The following FAM13A variants were observed in gnomAD, a reference collection of about 807,000 sequenced individuals.
FAM13A encodes the protein family with sequence similarity 13 member A.
Under a neutral mutation model 129.6 loss-of-function variants are expected in FAM13A, and 76 were observed. The ratio of observed to expected loss-of-function variants is 0.59; its 90% CI spans 0.49 to 0.71. The LOEUF (loss-of-function observed/expected upper bound fraction) is 0.71, where lower values mean the gene tolerates loss of function less well. Among genes scored for constraint, FAM13A ranks in the 30% least tolerant of loss-of-function variants. The pLI is 0.00. For missense variants in FAM13A, 1,108 were observed against 1,249.3 expected, an observed-to-expected ratio of 0.89 and a Z score of 1.70; for synonymous variants, 443 against 449.9, an observed-to-expected ratio of 0.98 and a Z score of 0.20.
At chr4:88,982,339 G>GGCA (rs1761750033) in intron 4 of FAM13A, among the ~76,000 whole-genome samples, 2 of 152,164 alleles carry the variant, frequency 1.3e-5, no homozygotes, top group Non-Finnish European at 2.9e-5. Flanking sequence ...TAGTACGATG[G>GGCA]GCAGAGCCCA....
intron 6 of FAM13A, among the ~76,000 whole-genome samples, chr4:88,898,023 C>T (rs1029794543): frequency 6.6e-6 from 1 of 152,062 alleles, no homozygotes; most frequent in South Asian, 2.1e-4. Context: ...TGGTCATAAA[C>T]CATCCAGCCA....
At chr4:88,774,511 CAT>C in intron 11 of FAM13A, among the ~76,000 whole-genome samples, 1 of 152,174 alleles carries the variant, frequency 6.6e-6, no homozygotes, top group East Asian at 1.9e-4. Flanking sequence ...AAATCATGGT[CAT>C]GTGGTTTTTT....
At chr4:88,902,211 T>C (rs1178904986) in intron 6 of FAM13A, among the ~76,000 whole-genome samples, 4 of 152,156 alleles carry the variant, frequency 2.6e-5, no homozygotes, top group Non-Finnish European at 5.9e-5. Flanking sequence ...CTATTGAAAC[T>C]ATTCCAAAAA....
chr4:88,788,943 A>G (rs191840199), intron 9 of FAM13A, among the ~76,000 whole-genome samples: 1 of 152,324 alleles, frequency 6.6e-6, no homozygotes, highest in East Asian at 1.9e-4. Flanking sequence ...ATGAGGAAGT[A>G]TAGTCAAATT....
rs150714905 is a variant in FAM13A, at chr4:89,025,802, G to A, written c.217+3658C>T. On this transcript the variant is annotated intron_variant, in intron 2 of 23. Coordinates refer to ENST00000264344, the MANE Select transcript of FAM13A (RefSeq NM_014883.4). ...AAAAGGGAAAAAAGAACACACAGAC[G>A]CATACTTATATATACACGAAACATC... Among the ~76,000 whole-genome samples the A allele has an allele frequency of 2.0e-3, 310 of 152,160 alleles. 1 individual carries two copies. Among genetic ancestry groups the A allele is most frequent in the African/African-American group, 6.9e-3 (285 of 41,516 alleles).
intron 7 of FAM13A, among the ~76,000 whole-genome samples, chr4:88,815,847 C>T (rs1283005791): frequency 6.6e-6 from 1 of 152,038 alleles, no homozygotes; most frequent in African/African-American, 2.4e-5. Context: ...TAACATTGCT[C>T]TTAACATTTT....
At chr4:88,955,221 ATATT>A (rs914526184) in intron 4 of FAM13A, among the ~76,000 whole-genome samples, 4 of 152,146 alleles carry the variant, frequency 2.6e-5, no homozygotes, top group Admixed American at 6.5e-5. Flanking sequence ...AAATATCATT[ATATT>A]TATTTATTAT....
rs545157929 is a variant in FAM13A, at chr4:88,822,318, C to T, written c.1008-17266G>A. 1.7e-3 allele frequency among the ~76,000 whole-genome samples: 252 copies of T among 152,086 alleles called. 2 individuals carry two copies. The highest frequency in any genetic ancestry group is 2.8e-3 in the Admixed American group (43 of 15,284). On this transcript the variant is annotated intron_variant, in intron 7 of 23. Transcript: ENST00000264344. ...TCATAAGACCCTTTGTTTAAATTTA[C>T]CTTTCTCTGCTTTGGTATAACTCCT...
chr4:88,900,861 TAG>T (rs1430392629), intron 6 of FAM13A, among the ~76,000 whole-genome samples: 4 of 151,830 alleles, frequency 2.6e-5, no homozygotes, highest in Admixed American at 6.6e-5. Flanking sequence ...GCAAGCTGGA[TAG>T]AGTCAAGACC....
chr4:88,892,603 T>C (rs557382048), intron 6 of FAM13A, among the ~76,000 whole-genome samples: 7 of 152,348 alleles, frequency 4.6e-5, no homozygotes, highest in Non-Finnish European at 8.8e-5. Context: ...GGGTCCACTA[T>C]GTGTCTGGCA....
chr4:88,979,842 G>C, intron 4 of FAM13A, among the ~76,000 whole-genome samples: 1 of 152,092 alleles, frequency 6.6e-6, no homozygotes, highest in South Asian at 2.1e-4. Context: ...GTGGTGGCAT[G>C]TGTCTGTAAT....
chr4:88,750,576 G>A lies in FAM13A; in HGVS notation c.1788C>T (p.Leu596=), dbSNP rs1410409492. Residue 596 remains leucine, a synonymous_variant, in exon 15 of 24, where the codon CTC becomes CTT. Coordinates refer to ENST00000264344, the MANE Select transcript of FAM13A (RefSeq NM_014883.4). ...GGATCAGGCGCCCAGCCTGCGGCGA[G>A]AGGTGGGCTTCATCAGAGTCACTGT... is the stretch of plus-strand genomic sequence containing the variant. ...RENSDSDEAH[L]SPQAGRLIRQ... The A allele has an allele frequency of 2.0e-5, 32 of 1,614,144 alleles. No individual in the cohort carries two copies. Among genetic ancestry groups the A allele is most frequent in the Non-Finnish European group, 2.5e-5 (30 of 1,180,028 alleles).
intron 4 of FAM13A, among the ~76,000 whole-genome samples, chr4:88,945,581 C>G (rs1386234183): frequency 2.6e-5 from 4 of 151,732 alleles, no homozygotes; most frequent in Non-Finnish European, 5.9e-5. Context: ...TCATATCAAA[C>G]CCAAATATTT....
intron 6 of FAM13A, among the ~76,000 whole-genome samples, chr4:88,863,608 T>C (rs1739885857): frequency 1.3e-5 from 2 of 152,166 alleles, no homozygotes; most frequent in Admixed American, 6.5e-5. Flanking sequence ...TTGGGGACAG[T>C]CTTGTGGCAT....
chr4:88,798,642 G>A (rs1034720927), intron 8 of FAM13A, among the ~76,000 whole-genome samples: 23 of 152,038 alleles, frequency 1.5e-4, no homozygotes, highest in African/African-American at 4.8e-4. Context: ...ATGTTTCTCC[G>A]TCCACGCCAT....
intron 10 of FAM13A, among the ~76,000 whole-genome samples, chr4:88,781,911 A>G (rs541237532): frequency 1.4e-3 from 214 of 151,722 alleles, no homozygotes; most frequent in African/African-American, 4.9e-3. Context: ...TAATGGGTGC[A>G]GCACACCAAC....
Position 88,758,780 on chromosome 4 carries a change from G to A in FAM13A, c.1700C>T (p.Ala567Val), listed in dbSNP as rs745498581. 3 of 1,613,818 alleles carry A rather than the reference G, an allele frequency of 1.9e-6. No individual in the cohort carries two copies. The highest frequency in any genetic ancestry group is 2.5e-6 in the Non-Finnish European group (3 of 1,179,844). Residue 567 changes from alanine to valine, a missense_variant, in exon 14 of 24, where the codon GCA becomes GTA. Ala to Val is a moderately conservative substitution (Grantham distance 64, BLOSUM62 0). Around this residue, in one of 3 missense-constraint regions of FAM13A, gnomAD observed 529 missense variants for 621.2 expected, o/e 0.85. Transcript: ENST00000264344. ...VSEVPQSDLT[A>V]LCDEKNWEEP... is the part of the protein sequence containing the mutation. The stretch of plus-strand genomic sequence containing the variant: ...TTCCCAGTTCTTTTCATCACACAAT[G>A]CAGTCAGGTCCGACTGGGGCACTTC...
At position 88,876,653 on chromosome 4, in the gene FAM13A, T is replaced by G. The variant is rs537385138; in HGVS notation, c.844-25470A>C. On this transcript the variant is annotated intron_variant, in intron 6 of 23. Transcript: ENST00000264344. ...GTCGCCGAGGCTGGAGTGCAGTGGCTCAATCTCGGCTCACTGCAAGCTCTG... is the reference window on the plus strand; with the variant it reads ...GTCGCCGAGGCTGGAGTGCAGTGGCGCAATCTCGGCTCACTGCAAGCTCTG... 2.1e-3 allele frequency among the ~76,000 whole-genome samples: 312 copies of G among 152,092 alleles called. 2 individuals carry two copies. Among genetic ancestry groups the G allele is most frequent in the African/African-American group, 6.7e-3 (280 of 41,518 alleles).
chr4:88,820,065 GT>G (rs757034988), intron 7 of FAM13A, among the ~76,000 whole-genome samples: 20 of 152,108 alleles, frequency 1.3e-4, no homozygotes, highest in Non-Finnish European at 2.1e-4. Context: ...TTCATTTTTA[GT>G]TTTTGACCTT....
Sources: gnomAD v4.1 joint callset for allele counts (sites outside exome capture counted in the v4.1 genomes callset) on GRCh38, gnomAD v4.1.1 for gene constraint, gnomAD v4.1.1 regional missense constraint, MANE v1.5 for transcripts, NCBI Gene and HGNC (gene_info 2026-07-23, HGNC 2026-07-21) for gene names.